SYNE3: variants seen among roughly 807,000 people sequenced by gnomAD.
The protein encoded by SYNE3 is spectrin repeat containing nuclear envelope family member 3, also known as nesprin-3.
SYNE3 carries 100 observed loss-of-function variants against 111.2 expected under a neutral mutation model. The observed-to-expected ratio is 0.90, with a 90% CI of 0.77 to 1.06. The LOEUF is 1.06. Ranked by LOEUF, SYNE3 falls within the 50% of genes least tolerant of loss-of-function variation. The probability of loss-of-function intolerance (pLI) is 0.00; values close to 1 mark genes in which losing one functional copy is unlikely to be tolerated. For synonymous variants in SYNE3, 547 were observed against 533.9 expected (o/e 1.02, Z -0.34); for missense variants, 1,160 against 1,240.3 (o/e 0.94, Z 0.97).
intron 14 of SYNE3, among the ~76,000 whole-genome samples, chr14:95,437,200 G>C (rs376716482): frequency 4.7e-4 from 71 of 152,352 alleles, no homozygotes; most frequent in African/African-American, 1.5e-3. Flanking sequence ...CCCCTGAGAG[G>C]TGACGGAAGC....
intron 17 of SYNE3, among the ~76,000 whole-genome samples, chr14:95,419,906 GTAGTGA>G (rs1885002125): frequency 1.3e-5 from 1 of 78,880 alleles, no homozygotes; most frequent in Admixed American, 1.1e-4. Context: ...GGTGGTGGTG[GTAGTGA>G]TGGTGAGGGT....
chr14:95,435,555 T>C (rs1886037556), intron 15 of SYNE3, among the ~76,000 whole-genome samples: 1 of 152,108 alleles, frequency 6.6e-6, no homozygotes, highest in African/African-American at 2.4e-5. Flanking sequence ...GCAGAGGTGA[T>C]ATTTTAAGAA....
Position 95,409,724 on chromosome 14 carries a change from TTC to T in SYNE3, c.*8100_*8101del. ...TCTTACTTTGAAAAACAGAAGTCGT[TTC>T]TCTCATACACAGAAGCTAAGGGAGA... On this transcript the variant is annotated 3_prime_UTR_variant, in exon 18 of 18. Transcript: ENST00000682763. 1 of 302,026 alleles carries T rather than the reference TTC, an allele frequency of 3.3e-6. No individual in the cohort carries two copies. The highest frequency in any genetic ancestry group is 4.9e-5 in the Admixed American group (1 of 20,558). 18.7% of individuals were successfully genotyped at this position (302,026 alleles called of 1,614,324 possible).
chr14:95,502,121 G>C (rs1000014151), intron 1 of SYNE3, among the ~76,000 whole-genome samples: 1 of 152,092 alleles, frequency 6.6e-6, no homozygotes, highest in Admixed American at 6.5e-5. Context: ...CTGATTTGAC[G>C]CACACCATCC....
At position 95,444,560 on chromosome 14, in the gene SYNE3, G is replaced by C. The variant is rs1450661791; in HGVS notation, c.1701C>G (p.Leu567=). The stretch of plus-strand genomic sequence containing the variant: ...CCTTCTCGGCTTGGACCCTGACCTG[G>C]AGGTCCAAGAGCTTCCTCTGCAGGG... ...FEPLQRKLLD[L]QVRVQAEKGL... is the part of the protein sequence containing the mutation. The change falls in exon 10 of 18, where the codon CTC becomes CTG. Residue 567 remains leucine (L), a synonymous_variant. Transcript: ENST00000682763. 6.2e-7 allele frequency: 1 copy of C among 1,613,614 alleles called. No individual in the cohort carries two copies. Among genetic ancestry groups the C allele is most frequent in the Non-Finnish European group, 8.5e-7 (1 of 1,179,638 alleles).
chr14:95,434,539 T>A (rs2139378664), intron 15 of SYNE3, among the ~76,000 whole-genome samples: 1 of 152,210 alleles, frequency 6.6e-6, no homozygotes, highest in South Asian at 2.1e-4. Context: ...TTCAAAGTCA[T>A]CTTAGTAGAC....
intron 1 of SYNE3, among the ~76,000 whole-genome samples, chr14:95,501,324 A>T (rs961769067): frequency 1.3e-5 from 2 of 152,172 alleles, no homozygotes; most frequent in African/African-American, 4.8e-5. Flanking sequence ...AGTCCTTACC[A>T]ATCTTGTCCA....
intron 1 of SYNE3, among the ~76,000 whole-genome samples, chr14:95,512,249 TGAG>T (rs1015279364): frequency 1.3e-4 from 20 of 152,216 alleles, no homozygotes; most frequent in Non-Finnish European, 4.4e-5. Context: ...CATTGGAATC[TGAG>T]GAGAGAGGCA....
chr14:95,408,648 G>A lies in SYNE3; in HGVS notation c.*9178C>T, dbSNP rs1903347185. On this transcript the variant is annotated 3_prime_UTR_variant, in exon 18 of 18. Coordinates refer to ENST00000682763, the MANE Select transcript of SYNE3 (RefSeq NM_152592.6). ...GGGCTGCCCAGTTGTGCTTCTGCAT[G>A]GAGATGTGTGTAGTACTCACACATG... 1 of 162,456 alleles carries A rather than the reference G, an allele frequency of 6.2e-6. No homozygotes were observed. Among genetic ancestry groups the A allele is most frequent in the Admixed American group, 5.7e-5 (1 of 17,636 alleles). The allele number at this position is 162,456 out of a possible 1,614,324, so 10.1% of individuals were successfully genotyped here. A position where few individuals can be genotyped will look rare whatever the true frequency, so the allele number is the denominator to read the frequency against.
rs114404611 is a variant in SYNE3, at chr14:95,438,718, C to G, written c.2376+315G>C. On this transcript the variant is annotated intron_variant, in intron 14 of 17. Coordinates refer to ENST00000682763, the MANE Select transcript of SYNE3 (RefSeq NM_152592.6). ...CAATCTGGGGCCAGCAGGAAGCTTT[C>G]AGCCCCGACACTCTCTTCCCTGCAG... is the stretch of plus-strand genomic sequence containing the variant. 841 of 260,540 alleles carry G rather than the reference C, an allele frequency of 3.2e-3. 4 individuals carry two copies. The highest frequency in any genetic ancestry group is 0.016 in the African/African-American group (748 of 46,870). 16.1% of individuals were successfully genotyped at this position (260,540 alleles called of 1,614,324 possible). A position where few individuals can be genotyped will look rare whatever the true frequency, so the allele number is the denominator to read the frequency against.
At chr14:95,451,961 C>T (rs1338241168) in intron 7 of SYNE3, 2 of 244,986 alleles carry the variant, frequency 8.2e-6, no homozygotes, top group African/African-American at 4.4e-5. Flanking sequence ...GGGCCATCAC[C>T]CCTCCCCAAT....
intron 2 of SYNE3, among the ~76,000 whole-genome samples, chr14:95,471,735 G>A (rs1595232437): frequency 6.6e-6 from 1 of 152,254 alleles, no homozygotes; most frequent in African/African-American, 2.4e-5. Flanking sequence ...GTCCAGGAGT[G>A]CTTGGCAAGG....
At chr14:95,445,670 G>A (rs546023274) in intron 9 of SYNE3, among the ~76,000 whole-genome samples, 2 of 152,348 alleles carry the variant, frequency 1.3e-5, no homozygotes, top group African/African-American at 4.8e-5. Context: ...GGGGGTTTGG[G>A]GACAGGGCTG....
rs1269185971 is a variant in SYNE3 at position 95,466,083 on chromosome 14, G to T, written c.475C>A (p.Leu159Met). Residue 159 changes from leucine (L) to methionine (M), a missense_variant, in exon 4 of 18, where the codon CTG (leucine) becomes ATG (methionine). Transcript: ENST00000682763. ...GCCTGGTTGTCCACGTTGTGCAGCA[G>T]CACCTGGGCGTGGCTCAGCTGCCAC... ...KQWQLSHAQVLLHNVDNQAVL... is the reference protein window; with the variant it reads ...KQWQLSHAQVMLHNVDNQAVL... 1 of 1,613,256 alleles carries T rather than the reference G, an allele frequency of 6.2e-7. No homozygotes were observed. The highest frequency in any genetic ancestry group is 1.1e-5 in the South Asian group (1 of 91,066).
intron 4 of SYNE3, among the ~76,000 whole-genome samples, chr14:95,461,483 A>C (rs1176875818): frequency 2.6e-5 from 4 of 152,226 alleles, no homozygotes; most frequent in African/African-American, 9.6e-5. Flanking sequence ...CTAGTCAAGA[A>C]TCTCCCTCTA....
At chr14:95,471,340 G>A (rs1282431545) in intron 2 of SYNE3, among the ~76,000 whole-genome samples, 1 of 152,206 alleles carries the variant, frequency 6.6e-6, no homozygotes, top group Admixed American at 6.5e-5. Context: ...TGACTGTGTG[G>A]TCCCCCCAGA....
intron 1 of SYNE3, among the ~76,000 whole-genome samples, chr14:95,497,042 C>T (rs918665453): frequency 6.6e-6 from 1 of 152,232 alleles, no homozygotes; most frequent in Non-Finnish European, 1.5e-5. Flanking sequence ...TCACTTGGCC[C>T]GAGCTGGAAG....
Position 95,408,844 on chromosome 14 carries a change from G to T in SYNE3, c.*8982C>A, listed in dbSNP as rs1209375981. The T allele has an allele frequency of 9.4e-6, 3 of 319,310 alleles. No homozygotes were observed. Among genetic ancestry groups the T allele is most frequent in the African/African-American group, 6.5e-5 (3 of 46,268 alleles). The allele number at this position is 319,310 out of a possible 1,614,324, so 19.8% of individuals were successfully genotyped here. The stretch of plus-strand genomic sequence containing the variant: ...TGGAACTGCTCAGCAGGCAGAGACC[G>T]CGCAAAGCCAACTCTGTCCTCTGCC... On this transcript the variant is annotated 3_prime_UTR_variant, in exon 18 of 18. Transcript: ENST00000682763.
At chr14:95,497,725 G>A (rs1890155188) in intron 1 of SYNE3, among the ~76,000 whole-genome samples, 1 of 152,086 alleles carries the variant, frequency 6.6e-6, no homozygotes, top group Admixed American at 6.6e-5. Context: ...CATGAAAATA[G>A]CCACAGATAG....
Sources: gnomAD v4.1 joint callset for allele counts (sites outside exome capture counted in the v4.1 genomes callset) on GRCh38, gnomAD v4.1.1 for gene constraint, MANE v1.5 for transcripts, NCBI Gene and HGNC (gene_info 2026-07-23, HGNC 2026-07-21) for gene names.